The following SLC25A48 variants were observed in gnomAD, a reference collection of about 807,000 sequenced individuals.
The protein encoded by SLC25A48 is CTC-321K16.1.
SLC25A48 carries 29 observed loss-of-function variants against 32.2 expected under a neutral mutation model. The observed-to-expected ratio is 0.90, with a 90% CI of 0.67 to 1.23. The LOEUF is 1.23. Among genes scored for constraint, SLC25A48 ranks in the 50% most tolerant of loss-of-function variants. SLC25A48 has a pLI of 0.00. For missense variants in SLC25A48, 399 were observed against 422.7 expected (o/e 0.94, Z 0.49); for synonymous variants, 164 against 172.3 (o/e 0.95, Z 0.38).
chr5:135,819,617 CTGAA>C (rs1757828021), intron 4 of SLC25A48, among the ~76,000 whole-genome samples: 1 of 152,070 alleles, frequency 6.6e-6, no homozygotes, highest in Non-Finnish European at 1.5e-5. Flanking sequence ...GATTATAAAA[CTGAA>C]TGAGAAAATT....
intron 3 of SLC25A48, among the ~76,000 whole-genome samples, chr5:135,781,487 T>C (rs868057368): frequency 1.7e-5 from 2 of 117,432 alleles, no homozygotes; most frequent in South Asian, 3.0e-4. Flanking sequence ...ATGATATTTT[T>C]CCCAATATTG....
intron 3 of SLC25A48, among the ~76,000 whole-genome samples, chr5:135,646,512 A>T (rs754019379): frequency 1.6e-4 from 25 of 151,942 alleles, no homozygotes; most frequent in Non-Finnish European, 2.6e-4. Flanking sequence ...TAGCTGTAAG[A>T]TGAAGATTAT....
At chr5:135,772,078 C>T (rs543549900) in intron 3 of SLC25A48, among the ~76,000 whole-genome samples, 2 of 151,198 alleles carry the variant, frequency 1.3e-5, no homozygotes, top group Non-Finnish European at 3.0e-5. Flanking sequence ...AGAAGGTGTA[C>T]ACCACCCTGT....
At chr5:135,655,583 G>A (rs186663691) in intron 3 of SLC25A48, among the ~76,000 whole-genome samples, 93 of 152,270 alleles carry the variant, frequency 6.1e-4, no homozygotes, top group African/African-American at 1.9e-3. Flanking sequence ...CCCATAGTAC[G>A]CTCTACATCA....
At chr5:135,879,498 A>G (rs1459073827) in intron 6 of SLC25A48, among the ~76,000 whole-genome samples, 1 of 151,720 alleles carries the variant, frequency 6.6e-6, no homozygotes, top group African/African-American at 2.4e-5. Context: ...GTTCTCTGCC[A>G]CTTTTGGGAT....
intron 3 of SLC25A48, among the ~76,000 whole-genome samples, chr5:135,676,914 A>G (rs760581628): frequency 6.6e-6 from 1 of 151,524 alleles, no homozygotes; most frequent in Non-Finnish European, 1.5e-5. Flanking sequence ...GCTAATGAGA[A>G]GAATGTGTAC....
chr5:135,666,292 A>C (rs1032839431), intron 3 of SLC25A48, among the ~76,000 whole-genome samples: 1 of 152,200 alleles, frequency 6.6e-6, no homozygotes, highest in Non-Finnish European at 1.5e-5. Flanking sequence ...CCACTAGAGG[A>C]GAACTTCTCC....
intron 3 of SLC25A48, among the ~76,000 whole-genome samples, chr5:135,804,378 G>T (rs1023377488): frequency 2.0e-5 from 3 of 151,490 alleles, no homozygotes; most frequent in Admixed American, 2.0e-4. Context: ...ATGTCACAGG[G>T]TTTCCACCCA....
chr5:135,695,796 G>A (rs936870166), intron 3 of SLC25A48, among the ~76,000 whole-genome samples: 8 of 152,200 alleles, frequency 5.3e-5, no homozygotes, highest in Non-Finnish European at 7.3e-5. Flanking sequence ...TTCTCTCCAG[G>A]ATATGGGCCC....
Position 135,650,168 on chromosome 5 carries a change from A to G in SLC25A48, c.-521+15212A>G, listed in dbSNP as rs187163123. The G allele has an allele frequency of 3.7e-3, 782 of 213,628 alleles. 3 individuals carry two copies. The highest frequency in any genetic ancestry group is 4.6e-3 in the Non-Finnish European group (481 of 104,614). 13.2% of individuals were successfully genotyped at this position (213,628 alleles called of 1,614,324 possible). A position where few individuals can be genotyped will look rare whatever the true frequency, so the allele number is the denominator to read the frequency against. The stretch of plus-strand genomic sequence containing the variant: ...TGTCAGGAGGCCCAGCTCCAGTGCC[A>G]GAAATTCTGTGAAGCCTTGTCCAAC... On this transcript the variant is annotated intron_variant, in intron 3 of 10. Coordinates refer to the SLC25A48 transcript ENST00000646290.
chr5:135,850,966 G>A (rs1759808312), intron 3 of SLC25A48, among the ~76,000 whole-genome samples: 1 of 152,190 alleles, frequency 6.6e-6, no homozygotes, highest in Non-Finnish European at 1.5e-5. Context: ...AGGGAAAACT[G>A]AATGATGCTT....
intron 1 of SLC25A48, among the ~76,000 whole-genome samples, chr5:135,604,125 G>A (rs1263521377): frequency 5.3e-5 from 8 of 152,192 alleles, no homozygotes; most frequent in African/African-American, 2.4e-5. Flanking sequence ...CTGTGCAGGT[G>A]AGAAAACAGA....
intron 3 of SLC25A48, among the ~76,000 whole-genome samples, chr5:135,773,938 A>G (rs1246929893): frequency 6.6e-6 from 1 of 151,772 alleles, no homozygotes; most frequent in Non-Finnish European, 1.5e-5. Context: ...ATTACTCCCA[A>G]TAACCCAGAG....
intron 1 of SLC25A48, among the ~76,000 whole-genome samples, chr5:135,612,282 T>C (rs2126891861): frequency 6.6e-6 from 1 of 152,358 alleles, no homozygotes; most frequent in South Asian, 2.1e-4. Flanking sequence ...TTTACATATT[T>C]ATGGGGTACA....
chr5:135,746,482 C>A, intron 3 of SLC25A48: 1 of 234,076 alleles, frequency 4.3e-6, no homozygotes, highest in South Asian at 5.8e-5. Flanking sequence ...CCTTTGTGGT[C>A]ACCGGAACTG....
At chr5:135,744,853 C>A (rs1308976372) in intron 3 of SLC25A48, among the ~76,000 whole-genome samples, 2 of 151,954 alleles carry the variant, frequency 1.3e-5, no homozygotes, top group Non-Finnish European at 2.9e-5. Flanking sequence ...ACCAGCCTGG[C>A]CAGCATAATG....
intron 1 of SLC25A48, among the ~76,000 whole-genome samples, chr5:135,621,923 G>T (rs759972456): frequency 5.3e-5 from 8 of 152,072 alleles, no homozygotes; most frequent in Non-Finnish European, 7.4e-5. Context: ...CTTAAAGCCA[G>T]AAGACAATAT....
intron 4 of SLC25A48, among the ~76,000 whole-genome samples, chr5:135,871,232 G>A (rs1436539170): frequency 2.6e-5 from 4 of 152,182 alleles, no homozygotes; most frequent in African/African-American, 9.6e-5. Flanking sequence ...AGTAACTGGT[G>A]TTCTATCACG....
intron 3 of SLC25A48, among the ~76,000 whole-genome samples, chr5:135,644,903 C>G (rs1752923468): frequency 6.6e-6 from 1 of 152,146 alleles, no homozygotes; most frequent in South Asian, 2.1e-4. Flanking sequence ...GACTTCTGAG[C>G]TGGGCTTACC....
Sources: gnomAD v4.1 joint callset for allele counts (sites outside exome capture counted in the v4.1 genomes callset) on GRCh38, gnomAD v4.1.1 for gene constraint, MANE v1.5 for transcripts, NCBI Gene and HGNC (gene_info 2026-07-23, HGNC 2026-07-21) for gene names.